The following SLC1A1 variants were observed in gnomAD, a reference collection of about 807,000 sequenced individuals.
The protein encoded by SLC1A1 is solute carrier family 1 member 1.
SLC1A1 carries 43 observed loss-of-function variants against 53.3 expected under a neutral mutation model. That is an observed-to-expected ratio of 0.81 (90% confidence interval 0.63 to 1.04). SLC1A1 has a LOEUF of 1.04. Ranked by LOEUF, SLC1A1 falls within the 50% of genes least tolerant of loss-of-function variation. SLC1A1 has a pLI of 0.00. For synonymous variants in SLC1A1, 307 were observed against 243.2 expected (o/e 1.26, Z -2.44); for missense variants, 748 against 664.9 (o/e 1.12, Z -1.37).
chr9:4,527,696 G>A (rs1378662334), intron 1 of SLC1A1, among the ~76,000 whole-genome samples: 1 of 152,050 alleles, frequency 6.6e-6, no homozygotes, highest in Non-Finnish European at 1.5e-5. Context: ...CCTATCCAAT[G>A]CTAATGTCTA....
At position 4,583,853 on chromosome 9, in the gene SLC1A1, TTCTCTCTCTC is replaced by T. The variant is rs373604899; in HGVS notation, c.1328+702_1328+711del. Among the ~76,000 whole-genome samples, 2 of 136,924 alleles carry T rather than the reference TTCTCTCTCTC, an allele frequency of 1.5e-5. No homozygotes were observed. The highest frequency in any genetic ancestry group is 2.8e-5 in the African/African-American group (1 of 36,146). 89.8% of individuals were successfully genotyped at this position (136,924 alleles called of 152,430 possible). On this transcript the variant is annotated intron_variant, in intron 11 of 11. Transcript: ENST00000262352. The surrounding 1 kb of genome is among the most constrained non-coding windows in gnomAD (Gnocchi z 4.6). ...CCATTCAGGCCCCAATCAACAACAC[TTCTCTCTCTC>T]TCTCTCTCTCTCTCTCTCTCACACA...
intron 1 of SLC1A1, among the ~76,000 whole-genome samples, chr9:4,527,477 T>A (rs1816304106): frequency 6.6e-6 from 1 of 152,188 alleles, no homozygotes; most frequent in Non-Finnish European, 1.5e-5. Flanking sequence ...AGTGCTGGTT[T>A]TGTTATGGCA....
intron 10 of SLC1A1, among the ~76,000 whole-genome samples, chr9:4,581,067 T>C (rs1366568591): frequency 6.6e-6 from 1 of 152,188 alleles, no homozygotes; most frequent in East Asian, 1.9e-4. Flanking sequence ...CAGCTTGCAG[T>C]AGACATACTG....
chr9:4,526,988 A>G (rs916711828), intron 1 of SLC1A1, among the ~76,000 whole-genome samples: 4 of 152,182 alleles, frequency 2.6e-5, no homozygotes, highest in African/African-American at 9.7e-5. Context: ...TTTTGAGTTA[A>G]TCAAAACAGA....
At chr9:4,537,048 TG>T (rs201042710) in intron 1 of SLC1A1, among the ~76,000 whole-genome samples, 5,895 of 148,832 alleles carry the variant, frequency 0.04, 156 homozygotes, top group Non-Finnish European at 0.061. Context: ...TGTTGTGGAG[TG>T]GGGGGAGGAG....
rs1191127935 is a variant in SLC1A1 at position 4,565,136 on chromosome 9, T to C, written c.440+678T>C. Among the ~76,000 whole-genome samples the C allele has an allele frequency of 4.6e-5, 7 of 152,216 alleles. 1 individual carries two copies. In the East Asian group the frequency reaches 1.3e-3, roughly 29 times the overall value. On this transcript the variant is annotated intron_variant, in intron 4 of 11. Transcript: ENST00000262352. The stretch of plus-strand genomic sequence containing the variant: ...CAGTTTTTCTTTTTAATTTCAATAA[T>C]CTTCCCATACCTAATCTAACCATAA...
Position 4,587,030 on chromosome 9 carries a change from T to C in SLC1A1, c.*1472T>C, listed in dbSNP as rs1821617169. 1 of 152,634 alleles carries C rather than the reference T, an allele frequency of 6.6e-6. No individual in the cohort carries two copies. The highest frequency in any genetic ancestry group is 2.1e-4 in the South Asian group (1 of 4,834). The allele number at this position is 152,634 out of a possible 1,614,324, so 9.5% of individuals were successfully genotyped here. A position where few individuals can be genotyped will look rare whatever the true frequency, so the allele number is the denominator to read the frequency against. Reference sequence around the variant, plus strand: ...ATCCAAAATAGTCATGTTTCTGCAGTATTCTGTAGCCAACTTAAACCTGTG... The same window carrying C: ...ATCCAAAATAGTCATGTTTCTGCAGCATTCTGTAGCCAACTTAAACCTGTG... On this transcript the variant is annotated 3_prime_UTR_variant, in exon 12 of 12. Transcript: ENST00000262352.
At chr9:4,548,375 G>T (rs1043090117) in intron 2 of SLC1A1, among the ~76,000 whole-genome samples, 2 of 152,178 alleles carry the variant, frequency 1.3e-5, no homozygotes, top group Admixed American at 6.5e-5. Flanking sequence ...GAGGATGCAG[G>T]TGGGAAGCTG....
chr9:4,546,944 A>G (rs78466801), intron 2 of SLC1A1, among the ~76,000 whole-genome samples: 5,548 of 152,366 alleles, frequency 0.036, 109 homozygotes, highest in Middle Eastern at 0.11. Context: ...GAGCAATACT[A>G]TTGAACTCAT....
At chr9:4,523,218 C>T (rs746115641) in intron 1 of SLC1A1, among the ~76,000 whole-genome samples, 4 of 152,192 alleles carry the variant, frequency 2.6e-5, no homozygotes, top group Non-Finnish European at 4.4e-5. Flanking sequence ...AAGGGTCTTA[C>T]ATCATCCATT....
At chr9:4,491,764 C>A (rs528817468) in intron 1 of SLC1A1, among the ~76,000 whole-genome samples, 1 of 152,190 alleles carries the variant, frequency 6.6e-6, no homozygotes, top group African/African-American at 2.4e-5. Context: ...GTGGATTCCT[C>A]GGCAGGCTCC....
rs1448802581 is a variant in SLC1A1, at chr9:4,581,952, A to G, written c.1194-1086A>G. 4.6e-5 allele frequency among the ~76,000 whole-genome samples: 7 copies of G among 152,314 alleles called. No homozygotes were observed. The East Asian group carries it at 1.2e-3, about 25-fold the overall frequency. On this transcript the variant is annotated intron_variant, in intron 10 of 11. Transcript: ENST00000262352. ...CTTTTTTTAGCCCCAAAGAATATGA[A>G]TGTGTGGATAGAATCAGGGATTCTT...
At chr9:4,493,760 A>C (rs1820319249) in intron 1 of SLC1A1, among the ~76,000 whole-genome samples, 1 of 152,340 alleles carries the variant, frequency 6.6e-6, no homozygotes, top group East Asian at 1.9e-4. Flanking sequence ...ATAATAATGC[A>C]ATGAAATGTT....
chr9:4,538,832 G>C (rs190260867), intron 1 of SLC1A1, among the ~76,000 whole-genome samples: 1 of 152,186 alleles, frequency 6.6e-6, no homozygotes, highest in African/African-American at 2.4e-5. Context: ...GCAGGATGGA[G>C]AAACTATCCG....
At chr9:4,537,955 A>G (rs1422615333) in intron 1 of SLC1A1, among the ~76,000 whole-genome samples, 1 of 152,314 alleles carries the variant, frequency 6.6e-6, no homozygotes, top group African/African-American at 2.4e-5. Flanking sequence ...AAAAAACTAC[A>G]TATATAGCCA....
At chr9:4,558,743 C>T (rs1002022618) in intron 2 of SLC1A1, among the ~76,000 whole-genome samples, 3 of 152,074 alleles carry the variant, frequency 2.0e-5, no homozygotes, top group South Asian at 2.1e-4. Flanking sequence ...AACACATCCC[C>T]GAGAACAGCT....
intron 1 of SLC1A1, among the ~76,000 whole-genome samples, chr9:4,522,175 C>T (rs1586709502): frequency 6.6e-6 from 1 of 151,526 alleles, no homozygotes; most frequent in Non-Finnish European, 1.5e-5. Flanking sequence ...CCTAAGCCTC[C>T]CGAGTAGCTG....
intron 1 of SLC1A1, among the ~76,000 whole-genome samples, chr9:4,534,137 A>T (rs2130858801): frequency 6.6e-6 from 1 of 152,314 alleles, no homozygotes; most frequent in East Asian, 1.9e-4. Context: ...CCCTAACATC[A>T]CAATTAAAAG....
intron 2 of SLC1A1, among the ~76,000 whole-genome samples, chr9:4,545,893 A>G (rs779980546): frequency 1.7e-4 from 26 of 152,250 alleles, no homozygotes; most frequent in Non-Finnish European, 3.2e-4. Context: ...AACTCTGGCA[A>G]TTAGTAAAAT....
Sources: gnomAD v4.1 joint callset for allele counts (sites outside exome capture counted in the v4.1 genomes callset) on GRCh38, gnomAD v4.1.1 for gene constraint, Gnocchi (gnomAD v3.1) non-coding constraint, MANE v1.5 for transcripts, NCBI Gene and HGNC (gene_info 2026-07-23, HGNC 2026-07-21) for gene names.